The following PRTN3 variants were observed in gnomAD, a reference collection of about 807,000 sequenced individuals.
The protein encoded by PRTN3 is myeloblastin.
A neutral mutation model predicts 20.7 loss-of-function variants in PRTN3; 22 were observed. The observed-to-expected ratio is 1.06, with a 90% CI of 0.76 to 1.52. The LOEUF is 1.52. PRTN3 is among the 40% of genes most tolerant of loss of function. The pLI is 0.00. For synonymous variants in PRTN3, 173 were observed against 152.9 expected (o/e 1.13, Z -0.97); for missense variants, 378 against 359.6 (o/e 1.05, Z -0.41).
intron 2 of PRTN3, 33 bp downstream of exon 2, chr19:843,659 G>T (rs1487268904): frequency 3.2e-6 from 5 of 1,543,310 alleles, no homozygotes; most frequent in Non-Finnish European, 4.3e-6. Context: ...CTGTCCGCCC[G>T]CCCCGCCCTC....
Position 847,903 on chromosome 19 carries a change from G to C in PRTN3, c.705G>C (p.Arg235=). 1 of 1,608,438 alleles carries C rather than the reference G, an allele frequency of 6.2e-7. No individual in the cohort carries two copies. Among genetic ancestry groups the C allele is most frequent in the Non-Finnish European group, 8.5e-7 (1 of 1,177,372 alleles). The stretch of plus-strand genomic sequence containing the variant: ...GCCTTTTCCCTGACTTCTTCACGCG[G>C]GTAGCCCTCTACGTGGACTGGATCC... ...ATRLFPDFFT[R]VALYVDWIRS... is the part of the protein sequence containing the mutation. The change falls in exon 5 of 5, where the codon CGG becomes CGC. Residue 235 remains arginine, a synonymous_variant. Coordinates refer to ENST00000234347, the MANE Select transcript of PRTN3 (RefSeq NM_002777.4).
chr19:843,581 T>A lies in PRTN3; in HGVS notation c.182T>A (p.Ile61Asn). 6.2e-7 allele frequency: 1 copy of A among 1,602,392 alleles called. No homozygotes were observed. The highest frequency in any genetic ancestry group is 8.5e-7 in the Non-Finnish European group (1 of 1,177,932). Residue 61 changes from isoleucine to asparagine, a missense_variant, in exon 2 of 5, where the codon ATC (isoleucine) becomes AAC (asparagine). Ile to Asn is a moderately radical substitution (Grantham distance 149). Transcript: ENST00000234347. ...PGSHFCGGTL[I>N]HPSFVLTAAH... The stretch of plus-strand genomic sequence containing the variant: ...AGCCACTTCTGCGGAGGCACCTTGA[T>A]CCACCCCAGCTTCGTGCTGACGGCC...
intron 1 of PRTN3, among the ~76,000 whole-genome samples, chr19:842,360 G>A (rs1042908804): frequency 3.4e-5 from 3 of 88,788 alleles, no homozygotes; most frequent in Admixed American, 2.3e-4. Context: ...ATTTTGTTTT[G>A]TTTTGTTTTT....
intron 3 of PRTN3, 57 bp from the exon 4 acceptor site, chr19:846,090 C>T (rs908579276): frequency 2.3e-5 from 30 of 1,326,568 alleles, no homozygotes; most frequent in East Asian, 2.8e-5. Context: ...GAGGGCGGCC[C>T]GGGCGGCCAC....
chr19:843,786 G>C (rs2035477216), intron 2 of PRTN3, 107 bp from the exon 3 acceptor site: 20 of 1,455,756 alleles, frequency 1.4e-5, no homozygotes, highest in Non-Finnish European at 1.8e-5. Context: ...CCCGGGGCAG[G>C]GTCGCCGAGG....
In PRTN3 at chr19:841,035, C is replaced by T; in HGVS notation, c.27C>T (p.Ala9=). Residue 9 remains alanine (A), a synonymous_variant, in exon 1 of 5, where the codon GCC becomes GCT. Transcript: ENST00000234347. ...TGGCTCACCGGCCCCCCAGCCCTGC[C>T]CTGGCGTCCGTGCTGCTGGCCTTGC... The part of the protein sequence containing the change: MAHRPPSP[A]LASVLLALLL... 1 of 1,608,734 alleles carries T rather than the reference C, an allele frequency of 6.2e-7. No individual in the cohort carries two copies.
intron 4 of PRTN3, 79 bp downstream of exon 4, chr19:846,456 C>G: frequency 2.2e-6 from 3 of 1,359,024 alleles, no homozygotes; most frequent in Non-Finnish European, 3.0e-6. Flanking sequence ...CACGCCACCT[C>G]TTAGCTGTGT....
chr19:842,579 C>T (rs989440736), intron 1 of PRTN3, among the ~76,000 whole-genome samples: 2 of 103,112 alleles, frequency 1.9e-5, no homozygotes. Flanking sequence ...ACCACCACAC[C>T]TGGCTAATTT....
Position 846,270 on chromosome 19 carries a change from C to T in PRTN3, c.493C>T (p.Pro165Ser), listed in dbSNP as rs773003538. The T allele has an allele frequency of 5.1e-6, 8 of 1,579,914 alleles. No individual in the cohort carries two copies. The Admixed American group carries it at 1.4e-4, about 29-fold the overall frequency. The stretch of plus-strand genomic sequence containing the variant: ...CTGGGGCCGCGTGGGTGCCCACGAC[C>T]CCCCAGCCCAGGTCCTGCAGGAGCT... Reference protein sequence around the residue: ...MGWGRVGAHDPPAQVLQELNV... With the variant: ...MGWGRVGAHDSPAQVLQELNV... The change falls in exon 4 of 5, where the codon CCC (proline) becomes TCC (serine). Residue 165 changes from proline (P) to serine (S), a missense_variant. Physicochemically the swap from Pro to Ser is moderately conservative, Grantham distance 74. Coordinates refer to ENST00000234347, the MANE Select transcript of PRTN3 (RefSeq NM_002777.4).
chr19:846,046 C>A, intron 3 of PRTN3, 101 bp from the exon 4 acceptor site: 1 of 776,574 alleles, frequency 1.3e-6, no homozygotes, highest in Non-Finnish European at 1.9e-6. Context: ...GCATCCGCGG[C>A]GTTTTGAGGT....
In PRTN3 at chr19:844,043, G is replaced by A; in HGVS notation, c.369+9G>A. On this transcript the variant is annotated intron_variant, in intron 3 of 4. Coordinates refer to ENST00000234347, the MANE Select transcript of PRTN3 (RefSeq NM_002777.4). ...ACGTTCTCCTCATCCAGGTGGGCGG[G>A]CAGGGCCGCGAGGGCTCGGAGGGGC... 6.3e-7 allele frequency: 1 copy of A among 1,597,048 alleles called. No individual in the cohort carries two copies. Among genetic ancestry groups the A allele is most frequent in the African/African-American group, 1.3e-5 (1 of 74,638 alleles).
At position 843,945 on chromosome 19, in the gene PRTN3, GAGCCCACCCAGC is replaced by G; in HGVS notation, c.284_295del (p.Pro95_Gln98del). On this transcript the variant is annotated inframe_deletion, in exon 3 of 5. Coordinates refer to ENST00000234347, the MANE Select transcript of PRTN3 (RefSeq NM_002777.4). ...CGGAGCCCACAACGTGCGGACGCAG[GAGCCCACCCAGC>G]AGCACTTCTCGGTGGCTCAGGTGTT... 6.2e-7 allele frequency: 1 copy of G among 1,601,060 alleles called. No homozygotes were observed. The highest frequency in any genetic ancestry group is 8.5e-7 in the Non-Finnish European group (1 of 1,174,762).
intron 1 of PRTN3, among the ~76,000 whole-genome samples, chr19:841,970 G>T (rs981127315): frequency 1.3e-5 from 2 of 151,366 alleles, no homozygotes; most frequent in Non-Finnish European, 2.9e-5. Flanking sequence ...TTCGTGATCC[G>T]CCTGCCTCAG....
rs1168703771 is a variant in PRTN3 at position 843,637 on chromosome 19, G to A, written c.227+11G>A. 6.5e-7 allele frequency: 1 copy of A among 1,539,476 alleles called. No individual in the cohort carries two copies. Among genetic ancestry groups the A allele is most frequent in the South Asian group, 1.2e-5 (1 of 81,242 alleles). On this transcript the variant is annotated intron_variant, in intron 2 of 4. Transcript: ENST00000234347. Reference sequence around the variant, plus strand: ...CTGCCTGCGGGACATGTGAGCGGCCGCCTCCACACCCCTGTCCGCCCGCCC... The same window carrying A: ...CTGCCTGCGGGACATGTGAGCGGCCACCTCCACACCCCTGTCCGCCCGCCC...
Position 843,878 on chromosome 19 carries a change from A to C in PRTN3, c.228-15A>C. 1 of 1,573,136 alleles carries C rather than the reference A, an allele frequency of 6.4e-7. No individual in the cohort carries two copies. Among genetic ancestry groups the C allele is most frequent in the Non-Finnish European group, 8.6e-7 (1 of 1,162,358 alleles). Reference sequence around the variant, plus strand: ...GTGTCCAGGGCGCCGAGGAGTGACCACCCCACCCCCGCAGACCCCAGCGCC... The same window carrying C: ...GTGTCCAGGGCGCCGAGGAGTGACCCCCCCACCCCCGCAGACCCCAGCGCC... On this transcript the variant is annotated splice_polypyrimidine_tract_variant and intron_variant, in intron 2 of 4. Coordinates refer to ENST00000234347, the MANE Select transcript of PRTN3 (RefSeq NM_002777.4).
intron 3 of PRTN3, 51 bp downstream of exon 3, chr19:844,085 G>T (rs537529940): frequency 6.5e-7 from 1 of 1,542,044 alleles, no homozygotes; most frequent in East Asian, 2.3e-5. Flanking sequence ...AGAGGGCTCC[G>T]GGACCCCCAT....
At chr19:846,451 C>A (rs1373883032) in intron 4 of PRTN3, 74 bp downstream of exon 4, 16 of 1,384,768 alleles carry the variant, frequency 1.2e-5, no homozygotes, top group Non-Finnish European at 1.5e-5. Context: ...GGTTCCACGC[C>A]ACCTCTTAGC....
intron 2 of PRTN3, 40 bp downstream of exon 2, chr19:843,666 C>T (rs1475588725): frequency 2.3e-5 from 36 of 1,541,806 alleles, no homozygotes; most frequent in Non-Finnish European, 3.0e-5. Flanking sequence ...CCCGCCCCGC[C>T]CTCTTCCTCC....
chr19:845,489 C>T (rs1280038000), intron 3 of PRTN3, among the ~76,000 whole-genome samples: 6 of 151,706 alleles, frequency 4.0e-5, no homozygotes, highest in Admixed American at 2.0e-4. Flanking sequence ...CCGAGGCGGG[C>T]GGATCGCCTG....
Sources: allele counts gnomAD v4.1 joint callset (sites outside exome capture counted in the v4.1 genomes callset), GRCh38; gene constraint gnomAD v4.1.1; transcripts MANE v1.5; gene names NCBI Gene and HGNC (gene_info 2026-07-23, HGNC 2026-07-21).